The following SHANK2 variants were observed in gnomAD, a reference collection of about 807,000 sequenced individuals.
SHANK2 encodes SH3 and multiple ankyrin repeat domains protein 2.
Under a neutral mutation model 133.7 loss-of-function variants are expected in SHANK2, and 43 were observed. That is an observed-to-expected ratio of 0.32 (90% CI 0.25 to 0.41). The LOEUF is 0.41. Ranked by LOEUF, SHANK2 falls within the 10% of genes least tolerant of loss-of-function variation. The probability of loss-of-function intolerance (pLI) is 1.00; values close to 1 mark genes in which losing one functional copy is unlikely to be tolerated. For synonymous variants in SHANK2, 1,017 were observed against 952.8 expected, an observed-to-expected ratio of 1.07 and a Z score of -1.24; for missense variants, 1,994 against 2,235.8, an observed-to-expected ratio of 0.89 and a Z score of 2.18.
chr11:70,885,102 A>G (rs1949717400), intron 11 of SHANK2, among the ~76,000 whole-genome samples: 1 of 152,152 alleles, frequency 6.6e-6, no homozygotes, highest in African/African-American at 2.4e-5. Flanking sequence ...GAGATGTTAT[A>G]CAACACTTTT....
intron 11 of SHANK2, among the ~76,000 whole-genome samples, chr11:70,880,315 G>A (rs1006972861): frequency 1.3e-5 from 2 of 152,240 alleles, no homozygotes; most frequent in Non-Finnish European, 2.9e-5. Context: ...AAGGGCTGTG[G>A]TCAGCTGGGG....
chr11:70,706,262 TAGCTCTCCAGATCCTACAACAC>T (rs568742475), intron 14 of SHANK2, among the ~76,000 whole-genome samples: 36 of 152,348 alleles, frequency 2.4e-4, no homozygotes, highest in Admixed American at 2.4e-3. Flanking sequence ...ACTGCAATGC[TAGCTCTCCAGATCCTACAACAC>T]AGCCTGGTGC....
chr11:70,803,881 A>G (rs1948106534), intron 13 of SHANK2, among the ~76,000 whole-genome samples: 2 of 151,642 alleles, frequency 1.3e-5, no homozygotes, highest in South Asian at 4.2e-4. Flanking sequence ...GGCACCCCTT[A>G]TTTTAGAAGA....
rs925684529 is a variant in SHANK2, at chr11:70,760,017, C to G, written c.1777+38426G>C. On this transcript the variant is annotated intron_variant, in intron 14 of 25. Transcript: ENST00000601538. ...TCCAGCCTCCAGAACTATGAGAGAC[C>G]GGCTCTGCCGGTTTACAGAGGCTGC... 3.3e-5 allele frequency among the ~76,000 whole-genome samples: 5 copies of G among 152,232 alleles called. No homozygotes were observed. The South Asian group carries it at 8.3e-4, about 25-fold the overall frequency.
intron 25 of SHANK2, among the ~76,000 whole-genome samples, chr11:70,477,103 G>A (rs1555150268): frequency 1.3e-5 from 2 of 152,202 alleles, no homozygotes; most frequent in African/African-American, 4.8e-5. Flanking sequence ...GCGGGAGCGC[G>A]AGAGTGGCAC....
At chr11:70,655,956 CA>C (rs1230558317) in intron 17 of SHANK2, among the ~76,000 whole-genome samples, 3 of 152,158 alleles carry the variant, frequency 2.0e-5, no homozygotes, top group African/African-American at 7.2e-5. Context: ...CTATAACCCT[CA>C]GGTGACTGAC....
intron 14 of SHANK2, among the ~76,000 whole-genome samples, chr11:70,722,087 G>A (rs140533615): frequency 1.2e-3 from 189 of 152,300 alleles, no homozygotes; most frequent in African/African-American, 3.8e-3. Flanking sequence ...TCATCTTCCC[G>A]CTTTGTCATG....
At chr11:70,786,111 C>T (rs991722443) in intron 14 of SHANK2, among the ~76,000 whole-genome samples, 9 of 152,180 alleles carry the variant, frequency 5.9e-5, no homozygotes, top group Non-Finnish European at 1.3e-4. Flanking sequence ...GAGTAACTTT[C>T]AAGTGGAAAC....
chr11:70,690,262 G>A (rs902777460), intron 15 of SHANK2, among the ~76,000 whole-genome samples: 6 of 150,316 alleles, frequency 4.0e-5, no homozygotes, highest in Admixed American at 1.3e-4. Context: ...TTTCTCCCAC[G>A]AGAAAAAAAA....
intron 1 of SHANK2, among the ~76,000 whole-genome samples, chr11:71,228,815 A>G (rs1405555658): frequency 6.6e-6 from 1 of 152,214 alleles, no homozygotes; most frequent in Non-Finnish European, 1.5e-5. Context: ...CGTAAATCAA[A>G]GGTCTTCATG....
chr11:70,592,164 T>A (rs12419628), intron 17 of SHANK2, among the ~76,000 whole-genome samples: 4,900 of 152,242 alleles, frequency 0.032, 92 homozygotes, highest in African/African-American at 0.055. Context: ...TGGCTCAGGC[T>A]GTGAATTGAT....
intron 12 of SHANK2, among the ~76,000 whole-genome samples, chr11:70,811,344 C>G (rs576031185): frequency 6.6e-6 from 1 of 152,270 alleles, no homozygotes; most frequent in Non-Finnish European, 1.5e-5. Flanking sequence ...TTTCCACACC[C>G]AAAGAGCTCC....
chr11:70,693,586 C>T (rs561514261), intron 15 of SHANK2, among the ~76,000 whole-genome samples: 7 of 152,218 alleles, frequency 4.6e-5, no homozygotes, highest in Non-Finnish European at 8.8e-5. Context: ...AAGTGAGATC[C>T]TCTGCTTCAT....
At chr11:70,891,496 T>C (rs1330193346) in intron 11 of SHANK2, among the ~76,000 whole-genome samples, 1 of 152,130 alleles carries the variant, frequency 6.6e-6, no homozygotes, top group African/African-American at 2.4e-5. Context: ...AGCAAGACTC[T>C]GTCTTAAAAA....
At chr11:70,704,458 C>G (rs1224132786) in intron 14 of SHANK2, among the ~76,000 whole-genome samples, 6 of 152,218 alleles carry the variant, frequency 3.9e-5, no homozygotes, top group Non-Finnish European at 8.8e-5. Context: ...GCCCACCCGG[C>G]ACACAGGGGT....
At chr11:71,098,571 C>T (rs1355371231) in intron 6 of SHANK2, among the ~76,000 whole-genome samples, 4 of 152,126 alleles carry the variant, frequency 2.6e-5, no homozygotes, top group African/African-American at 9.7e-5. Flanking sequence ...GAATCAACCT[C>T]GCTGAAAGGG....
At chr11:70,769,917 G>A (rs559989233) in intron 14 of SHANK2, among the ~76,000 whole-genome samples, 2 of 152,306 alleles carry the variant, frequency 1.3e-5, no homozygotes, top group East Asian at 3.9e-4. Context: ...AGCACACCCT[G>A]GGTCCTGCAG....
chr11:71,192,124 G>A (rs1019458534), intron 2 of SHANK2, among the ~76,000 whole-genome samples: 10 of 152,180 alleles, frequency 6.6e-5, no homozygotes, highest in Non-Finnish European at 1.3e-4. Flanking sequence ...CCCTCCTAAA[G>A]TGCTGGGATT....
In SHANK2 at chr11:71,093,506, C is replaced by T. The variant is rs182434966; in HGVS notation, c.745-917G>A. Among the ~76,000 whole-genome samples, 113 of 152,170 alleles carry T rather than the reference C, an allele frequency of 7.4e-4. 2 individuals carry two copies. The highest frequency in any genetic ancestry group is 6.6e-3 in the Admixed American group (101 of 15,294). On this transcript the variant is annotated intron_variant, in intron 7 of 25. Coordinates refer to ENST00000601538, the MANE Select transcript of SHANK2 (RefSeq NM_012309.5). Reference sequence around the variant, plus strand: ...CTCAGGAATGGCTTAACACCACCCACTCAGTGCTGCTTTCGTGATAGTGAG... The same window carrying T: ...CTCAGGAATGGCTTAACACCACCCATTCAGTGCTGCTTTCGTGATAGTGAG...
Sources: allele counts gnomAD v4.1 joint callset (sites outside exome capture counted in the v4.1 genomes callset), GRCh38; gene constraint gnomAD v4.1.1; transcripts MANE v1.5; gene names NCBI Gene and HGNC (gene_info 2026-07-23, HGNC 2026-07-21).